The following THSD4 variants were observed in gnomAD, a reference collection of about 807,000 sequenced individuals.
THSD4 encodes the protein thrombospondin type-1 domain-containing protein 4.
Under a neutral mutation model 119.0 loss-of-function variants are expected in THSD4, and 69 were observed. That is an observed-to-expected ratio of 0.58 (90% confidence interval 0.48 to 0.71). THSD4 has a LOEUF of 0.71. THSD4 is among the 30% of genes least tolerant of loss of function. THSD4 has a pLI of 0.00. For missense variants in THSD4, 1,393 were observed against 1,391.1 expected (o/e 1.00, Z -0.02); for synonymous variants, 524 against 540.4 (o/e 0.97, Z 0.42).
intron 3 of THSD4, among the ~76,000 whole-genome samples, chr15:71,170,840 T>TA (rs1291612458): frequency 6.6e-6 from 1 of 152,128 alleles, no homozygotes; most frequent in Non-Finnish European, 1.5e-5. Flanking sequence ...GCATGGAAGA[T>TA]ATTAAAAAGA....
At chr15:71,463,528 C>T (rs1189513928) in intron 7 of THSD4, among the ~76,000 whole-genome samples, 11 of 152,192 alleles carry the variant, frequency 7.2e-5, no homozygotes, top group African/African-American at 2.7e-4. Context: ...GGGTCTCTGA[C>T]ATTTACAGTT....
At chr15:71,718,950 A>G (rs1309706777) in intron 8 of THSD4, among the ~76,000 whole-genome samples, 2 of 152,158 alleles carry the variant, frequency 1.3e-5, no homozygotes, top group African/African-American at 4.8e-5. Flanking sequence ...GTACCTTTAC[A>G]ACCCCCAATA....
chr15:71,295,975 G>A (rs1283614965), intron 6 of THSD4, among the ~76,000 whole-genome samples: 1 of 152,132 alleles, frequency 6.6e-6, no homozygotes, highest in African/African-American at 2.4e-5. Context: ...CATTAATACT[G>A]TAGCATGTAT....
intron 6 of THSD4, among the ~76,000 whole-genome samples, chr15:71,309,786 G>A (rs1156850848): frequency 6.6e-6 from 1 of 152,216 alleles, no homozygotes; most frequent in Non-Finnish European, 1.5e-5. Flanking sequence ...GACCGTATAT[G>A]TATGGGCTTG....
At chr15:71,391,766 G>A (rs974200808) in intron 6 of THSD4, among the ~76,000 whole-genome samples, 4 of 152,164 alleles carry the variant, frequency 2.6e-5, no homozygotes, top group Non-Finnish European at 4.4e-5. Flanking sequence ...GCTGATGATT[G>A]AACTGCAGGA....
intron 8 of THSD4, among the ~76,000 whole-genome samples, chr15:71,673,876 C>T (rs1233673219): frequency 6.6e-6 from 1 of 152,166 alleles, no homozygotes; most frequent in Non-Finnish European, 1.5e-5. Flanking sequence ...CCTGCCTCAG[C>T]CTCCCGAGTA....
intron 6 of THSD4, among the ~76,000 whole-genome samples, chr15:71,409,217 C>T (rs1040364151): frequency 2.7e-5 from 4 of 149,590 alleles, no homozygotes; most frequent in African/African-American, 9.7e-5. Context: ...AAAATTCTGG[C>T]CCCAAAAGAT....
At chr15:71,624,054 A>G (rs557344032) in intron 7 of THSD4, among the ~76,000 whole-genome samples, 8 of 152,338 alleles carry the variant, frequency 5.3e-5, no homozygotes, top group South Asian at 4.1e-4. Context: ...CAGGAGGTCT[A>G]CTAGGGAGAG....
chr15:71,423,793 C>T (rs1596051), intron 7 of THSD4, among the ~76,000 whole-genome samples: 124,093 of 152,124 alleles, frequency 0.82, 50,884 homozygotes, highest in East Asian at 0.97. Context: ...CTTTCAGGTA[C>T]ATTTAGGACC....
intron 6 of THSD4, among the ~76,000 whole-genome samples, chr15:71,281,187 G>C (rs569482790): frequency 1.3e-5 from 2 of 152,240 alleles, no homozygotes; most frequent in African/African-American, 2.4e-5. Context: ...ATGAATCCGA[G>C]AAGTCTACTT....
intron 7 of THSD4, among the ~76,000 whole-genome samples, chr15:71,495,728 G>C (rs1276509409): frequency 6.6e-6 from 1 of 152,184 alleles, no homozygotes; most frequent in Non-Finnish European, 1.5e-5. Flanking sequence ...CTGTAGAGGA[G>C]AAAGTCTAAA....
chr15:71,206,255 G>A (rs1026839649), intron 3 of THSD4, among the ~76,000 whole-genome samples: 2 of 151,988 alleles, frequency 1.3e-5, no homozygotes, highest in African/African-American at 2.4e-5. Flanking sequence ...CAGGTGATCC[G>A]CCCACCTCGG....
Position 71,353,819 on chromosome 15 carries a change from C to T in THSD4, c.1016-57868C>T, listed in dbSNP as rs551940419. Among the ~76,000 whole-genome samples the T allele has an allele frequency of 8.8e-4, 134 of 152,332 alleles. 4 individuals are homozygous for T. The South Asian group carries it at 0.026, about 30-fold the overall frequency. The stretch of plus-strand genomic sequence containing the variant: ...ACTTGGTGTTCAAATGCTGCCTCTG[C>T]CATTTGCTGTTCGTGTGACCTCTGA... On this transcript the variant is annotated intron_variant, in intron 6 of 17. Coordinates refer to ENST00000261862, the MANE Select transcript of THSD4 (RefSeq NM_024817.3).
upstream of THSD4, chr15:71,111,138 A>C: frequency 6.2e-7 from 1 of 1,601,286 alleles, no homozygotes; most frequent in Non-Finnish European, 8.5e-7. Context: ...TGTACCAGGT[A>C]ACAAGAACCT....
At chr15:71,148,265 A>G (rs1206649976) in intron 2 of THSD4, among the ~76,000 whole-genome samples, 1 of 152,198 alleles carries the variant, frequency 6.6e-6, no homozygotes, top group Non-Finnish European at 1.5e-5. Context: ...CCCAGTTAAG[A>G]GGACACAGGG....
At chr15:71,563,255 G>A (rs1595887790) in intron 7 of THSD4, among the ~76,000 whole-genome samples, 1 of 152,132 alleles carries the variant, frequency 6.6e-6, no homozygotes, top group African/African-American at 2.4e-5. Flanking sequence ...CCCCATCAGA[G>A]GCAAGAGGCA....
chr15:71,335,690 C>T (rs954488704), intron 6 of THSD4, among the ~76,000 whole-genome samples: 4 of 152,050 alleles, frequency 2.6e-5, no homozygotes, highest in East Asian at 1.9e-4. Context: ...GGCTTATTTC[C>T]GAAGATGATG....
chr15:71,757,773 C>A, intron 14 of THSD4, 129 bp from the exon 15 acceptor site: 1 of 1,182,000 alleles, frequency 8.5e-7, no homozygotes, highest in South Asian at 1.4e-5. Flanking sequence ...GCACGAGAAG[C>A]TGCCAGATAT....
chr15:71,699,465 C>G (rs993069016), intron 8 of THSD4, among the ~76,000 whole-genome samples: 4 of 152,170 alleles, frequency 2.6e-5, no homozygotes, highest in Non-Finnish European at 5.9e-5. Context: ...AATTATACCT[C>G]AATAAAGTGG....
Sources: gnomAD v4.1 joint callset for allele counts (sites outside exome capture counted in the v4.1 genomes callset) on GRCh38, gnomAD v4.1.1 for gene constraint, MANE v1.5 for transcripts, NCBI Gene and HGNC (gene_info 2026-07-23, HGNC 2026-07-21) for gene names.